MTHFD1L: variants seen among roughly 807,000 people sequenced by gnomAD.
The protein encoded by MTHFD1L is monofunctional C1-tetrahydrofolate synthase, mitochondrial.
MTHFD1L carries 81 observed loss-of-function variants against 119.5 expected under a neutral mutation model. The observed-to-expected ratio is 0.68, with a 90% CI of 0.57 to 0.82. The LOEUF (loss-of-function observed/expected upper bound fraction) is 0.82, where lower values mean the gene tolerates loss of function less well. Among genes scored for constraint, MTHFD1L ranks in the 40% least tolerant of loss-of-function variants. The pLI is 0.00. For missense variants in MTHFD1L, 1,125 were observed against 1,253.4 expected, an observed-to-expected ratio of 0.90 and a Z score of 1.55; for synonymous variants, 430 against 475.2, an observed-to-expected ratio of 0.90 and a Z score of 1.24.
At chr6:150,896,092 G>C (rs1354030064) in intron 7 of MTHFD1L, among the ~76,000 whole-genome samples, 1 of 152,134 alleles carries the variant, frequency 6.6e-6, no homozygotes, top group Non-Finnish European at 1.5e-5. Context: ...TTAAAAAATG[G>C]TAGAGGTGGC....
intron 8 of MTHFD1L, 53 bp from the exon 9 acceptor site, chr6:150,918,524 G>A: frequency 8.0e-7 from 1 of 1,246,938 alleles, no homozygotes; most frequent in Non-Finnish European, 1.2e-6. Flanking sequence ...GGAGCAATTG[G>A]TTAGAAATGA....
At chr6:151,012,577 G>A (rs59961899) in intron 21 of MTHFD1L, among the ~76,000 whole-genome samples, 1 of 151,908 alleles carries the variant, frequency 6.6e-6, no homozygotes, top group Admixed American at 6.6e-5. Context: ...CTGTCCCCCA[G>A]AGTGCTCGGC....
chr6:151,061,492 G>T (rs1790632427), intron 26 of MTHFD1L, among the ~76,000 whole-genome samples: 1 of 152,198 alleles, frequency 6.6e-6, no homozygotes, highest in Admixed American at 6.5e-5. Context: ...AGCCCCTCTT[G>T]TCAGTTAGAG....
chr6:150,873,587 T>C (rs913842359), intron 1 of MTHFD1L, among the ~76,000 whole-genome samples: 1 of 152,184 alleles, frequency 6.6e-6, no homozygotes, highest in Non-Finnish European at 1.5e-5. Flanking sequence ...TTCCACTTAG[T>C]GTCTCAGAAT....
At chr6:150,867,340 C>T (rs1337427628) in intron 1 of MTHFD1L, among the ~76,000 whole-genome samples, 2 of 152,124 alleles carry the variant, frequency 1.3e-5, no homozygotes, top group South Asian at 2.1e-4. Context: ...CACAGGTGTG[C>T]GCTACCATGC....
intron 24 of MTHFD1L, among the ~76,000 whole-genome samples, chr6:151,032,743 T>G (rs981241801): frequency 1.3e-5 from 2 of 152,232 alleles, no homozygotes; most frequent in Admixed American, 6.5e-5. Context: ...CAGACTCTTT[T>G]TATGTCCCTC....
intron 20 of MTHFD1L, among the ~76,000 whole-genome samples, chr6:151,007,186 A>G (rs961693432): frequency 3.3e-5 from 5 of 151,436 alleles, no homozygotes; most frequent in African/African-American, 9.7e-5. Context: ...GAAAAATCCT[A>G]CTTGATTCTC....
At chr6:150,999,307 C>T (rs1780273667) in intron 20 of MTHFD1L, among the ~76,000 whole-genome samples, 1 of 152,110 alleles carries the variant, frequency 6.6e-6, no homozygotes, top group African/African-American at 2.4e-5. Flanking sequence ...TTATTTTGGG[C>T]TAAATCATGT....
At chr6:151,012,744 G>A (rs1782485333) in intron 21 of MTHFD1L, among the ~76,000 whole-genome samples, 1 of 152,116 alleles carries the variant, frequency 6.6e-6, no homozygotes, top group Non-Finnish European at 1.5e-5. Flanking sequence ...GATATTTATT[G>A]TAAGGAATTG....
At chr6:150,919,132 C>A (rs1411979894) in intron 9 of MTHFD1L, among the ~76,000 whole-genome samples, 3 of 149,292 alleles carry the variant, frequency 2.0e-5, no homozygotes, top group Admixed American at 1.3e-4. Context: ...CACTGAACTC[C>A]AACCTGGGTG....
chr6:150,974,033 C>T (rs912693894), intron 20 of MTHFD1L, among the ~76,000 whole-genome samples: 3 of 152,280 alleles, frequency 2.0e-5, no homozygotes, highest in East Asian at 1.9e-4. Context: ...GTCTAAGATG[C>T]CGTAAGTGGG....
chr6:151,008,466 G>A (rs931716484), intron 20 of MTHFD1L, among the ~76,000 whole-genome samples: 3 of 152,032 alleles, frequency 2.0e-5, no homozygotes, highest in Admixed American at 2.0e-4. Flanking sequence ...GTAACAATGT[G>A]ATTCTGATTC....
chr6:150,940,121 G>A (rs1792844216), intron 13 of MTHFD1L, among the ~76,000 whole-genome samples: 2 of 152,286 alleles, frequency 1.3e-5, no homozygotes, highest in African/African-American at 4.8e-5. Flanking sequence ...GACTCCCTCT[G>A]TGTTTACGGC....
chr6:150,928,231 C>G (rs548348501), intron 11 of MTHFD1L, among the ~76,000 whole-genome samples: 2 of 151,948 alleles, frequency 1.3e-5, no homozygotes, highest in South Asian at 2.1e-4. Flanking sequence ...GTCAGGAGAT[C>G]GAGACCATCC....
intron 16 of MTHFD1L, among the ~76,000 whole-genome samples, chr6:150,952,604 A>G (rs548924265): frequency 7.2e-5 from 11 of 151,762 alleles, no homozygotes; most frequent in Admixed American, 4.6e-4. Flanking sequence ...ATCTCGGCTC[A>G]CCGCAACCTC....
chr6:150,991,696 A>G (rs543565658), intron 20 of MTHFD1L, among the ~76,000 whole-genome samples: 6 of 152,246 alleles, frequency 3.9e-5, no homozygotes, highest in Non-Finnish European at 7.3e-5. Context: ...GATTGTGGGC[A>G]TAGTTTAGAG....
chr6:150,990,225 G>A (rs1056270988), intron 20 of MTHFD1L, among the ~76,000 whole-genome samples: 4 of 151,734 alleles, frequency 2.6e-5, no homozygotes, highest in African/African-American at 9.7e-5. Context: ...GTTGCAGTGA[G>A]CCTAGATTGT....
intron 12 of MTHFD1L, among the ~76,000 whole-genome samples, chr6:150,937,238 A>G (rs1427221534): frequency 1.3e-5 from 2 of 151,998 alleles, no homozygotes; most frequent in African/African-American, 2.4e-5. Context: ...TTGCCAAGTG[A>G]TCTTGAAACA....
Position 150,877,810 on chromosome 6 carries a change from A to G in MTHFD1L, c.401A>G (p.Asp134Gly). The G allele has an allele frequency of 6.2e-7, 1 of 1,614,220 alleles. No individual in the cohort carries two copies. The highest frequency in any genetic ancestry group is 8.5e-7 in the Non-Finnish European group (1 of 1,180,042). ...ATCACTCACATTTGCCTCCCTCCAG[A>G]TAGCAGTGAAGCCGAGGTAATAATG... ...LNITHICLPP[D>G]SSEAEIIDEI... The change falls in exon 4 of 28, where the codon GAT (aspartate) becomes GGT (glycine). Residue 134 changes from aspartate to glycine, a missense_variant. Coordinates refer to ENST00000367321, the MANE Select transcript of MTHFD1L (RefSeq NM_015440.5).
Sources: allele counts gnomAD v4.1 joint callset (sites outside exome capture counted in the v4.1 genomes callset), GRCh38; gene constraint gnomAD v4.1.1; transcripts MANE v1.5; gene names NCBI Gene and HGNC (gene_info 2026-07-23, HGNC 2026-07-21).